DTNA: variants seen among roughly 807,000 people sequenced by gnomAD.
DTNA encodes dystrophin-related protein 3.
DTNA carries 43 observed loss-of-function variants against 100.7 expected under a neutral mutation model. The observed-to-expected ratio is 0.43, with a 90% confidence interval of 0.33 to 0.55. DTNA has a LOEUF of 0.55. Among genes scored for constraint, DTNA ranks in the 20% least tolerant of loss-of-function variants. The probability of loss-of-function intolerance (pLI) is 0.04; values close to 1 mark genes in which losing one functional copy is unlikely to be tolerated. For missense variants in DTNA, 798 were observed against 953.9 expected, an observed-to-expected ratio of 0.84 and a Z score of 2.15; for synonymous variants, 349 against 347.9, an observed-to-expected ratio of 1.00 and a Z score of -0.04.
At chr18:34,696,833 C>T (rs1038895075) in intron 1 of DTNA, among the ~76,000 whole-genome samples, 5 of 152,146 alleles carry the variant, frequency 3.3e-5, no homozygotes, top group Non-Finnish European at 7.3e-5. Flanking sequence ...ATGGGCAGGA[C>T]AGAAAATTAT....
chr18:34,498,242 C>T (rs1377570853), intron 1 of DTNA, among the ~76,000 whole-genome samples: 9 of 151,874 alleles, frequency 5.9e-5, no homozygotes, highest in African/African-American at 1.7e-4. Flanking sequence ...GGTGAAACTC[C>T]GTCTCTACTA....
intron 1 of DTNA, among the ~76,000 whole-genome samples, chr18:34,562,261 CG>C (rs1472738290): frequency 6.6e-6 from 1 of 152,122 alleles, no homozygotes; most frequent in Non-Finnish European, 1.5e-5. Context: ...TTTTAAAAAA[CG>C]AACCCTGCCC....
chr18:34,702,903 T>C (rs925423536), intron 1 of DTNA, among the ~76,000 whole-genome samples: 6 of 152,208 alleles, frequency 3.9e-5, no homozygotes, highest in African/African-American at 1.4e-4. Context: ...CATATTTACA[T>C]AGAGACAGAT....
At chr18:34,651,784 C>G (rs563567313) in intron 1 of DTNA, among the ~76,000 whole-genome samples, 3 of 152,214 alleles carry the variant, frequency 2.0e-5, no homozygotes, top group South Asian at 4.1e-4. Flanking sequence ...CAGACCTGGG[C>G]CGAGCATGGT....
intron 1 of DTNA, among the ~76,000 whole-genome samples, chr18:34,664,127 C>T (rs1197620520): frequency 2.0e-5 from 3 of 152,176 alleles, no homozygotes; most frequent in Admixed American, 6.5e-5. Context: ...TCTACTATTT[C>T]AAACTACAAG....
rs964860271 is a variant in DTNA, at chr18:34,596,882, T to C, written c.-2+103368T>C. Among the ~76,000 whole-genome samples, 4 of 152,284 alleles carry C rather than the reference T, an allele frequency of 2.6e-5. No homozygotes were observed. The East Asian group carries it at 7.7e-4, about 29-fold the overall frequency. ...CTTTTTTTTAATTATACGCAAGTTG[T>C]GGGATACATGTGCAGAACGTGCAGG... On this transcript the variant is annotated intron_variant, in intron 1 of 19. Transcript: ENST00000283365.
chr18:34,848,503 G>A (rs2096420150), intron 14 of DTNA, 120 bp downstream of exon 14: 6 of 1,101,028 alleles, frequency 5.4e-6, no homozygotes, highest in Non-Finnish European at 6.7e-6. Context: ...CTAATTTATT[G>A]TGCATGTGTT....
At chr18:34,605,571 A>G (rs2052877975) in intron 1 of DTNA, among the ~76,000 whole-genome samples, 1 of 151,988 alleles carries the variant, frequency 6.6e-6, no homozygotes, top group Non-Finnish European at 1.5e-5. Context: ...TTAGTTAGAT[A>G]TGCATTTTCT....
chr18:34,844,385 TA>T (rs773871302), intron 13 of DTNA, among the ~76,000 whole-genome samples: 17 of 152,086 alleles, frequency 1.1e-4, no homozygotes, highest in Non-Finnish European at 1.0e-4. Flanking sequence ...TTCAGTACTG[TA>T]AAACCATTTC....
chr18:34,665,309 T>C (rs897275375), intron 1 of DTNA, among the ~76,000 whole-genome samples: 2 of 152,200 alleles, frequency 1.3e-5, no homozygotes, highest in Admixed American at 6.6e-5. Flanking sequence ...ATTTTCATGC[T>C]AAGAATTTGT....
At chr18:34,496,655 C>T (rs1822608236) in intron 1 of DTNA, among the ~76,000 whole-genome samples, 1 of 152,044 alleles carries the variant, frequency 6.6e-6, no homozygotes, top group South Asian at 2.1e-4. Flanking sequence ...CCTGACTGCA[C>T]AGGGGGACAA....
At chr18:34,655,998 C>T (rs1306402906) in intron 1 of DTNA, among the ~76,000 whole-genome samples, 2 of 152,356 alleles carry the variant, frequency 1.3e-5, no homozygotes, top group South Asian at 2.1e-4. Context: ...TGTTTACACA[C>T]ACGTGTGCAC....
At chr18:34,537,881 A>G (rs1324479764) in intron 1 of DTNA, among the ~76,000 whole-genome samples, 2 of 152,016 alleles carry the variant, frequency 1.3e-5, no homozygotes, top group Non-Finnish European at 2.9e-5. Flanking sequence ...ATGTATGAGT[A>G]TTTATTAGAA....
chr18:34,747,948 T>A (rs760856810), intron 1 of DTNA, among the ~76,000 whole-genome samples: 7 of 152,164 alleles, frequency 4.6e-5, no homozygotes, highest in Non-Finnish European at 1.0e-4. Context: ...AATTGTTCCC[T>A]TTCACCCCAT....
At chr18:34,831,428 G>A (rs878873847) in intron 11 of DTNA, among the ~76,000 whole-genome samples, 23 of 152,182 alleles carry the variant, frequency 1.5e-4, no homozygotes, top group Admixed American at 1.5e-3. Context: ...ACAATCTAAT[G>A]TGCTAGTTTC....
At chr18:34,875,847 C>T (rs768640665) in intron 18 of DTNA, among the ~76,000 whole-genome samples, 1 of 152,078 alleles carries the variant, frequency 6.6e-6, no homozygotes, top group Non-Finnish European at 1.5e-5. Flanking sequence ...TCTGATGCCC[C>T]GAAGAGTTGA....
intron 1 of DTNA, among the ~76,000 whole-genome samples, chr18:34,652,690 C>T (rs2060598004): frequency 1.3e-5 from 2 of 152,188 alleles, no homozygotes; most frequent in Admixed American, 1.3e-4. Context: ...GACATAATCT[C>T]TTCTAGTTTT....
chr18:34,726,205 C>A (rs1231181393), intron 1 of DTNA, among the ~76,000 whole-genome samples: 1 of 151,980 alleles, frequency 6.6e-6, no homozygotes, highest in African/African-American at 2.4e-5. Flanking sequence ...ATGTAACAAA[C>A]CTGCACATTG....
intron 1 of DTNA, among the ~76,000 whole-genome samples, chr18:34,500,462 GTTGT>G (rs1329570935): frequency 4.0e-5 from 6 of 149,804 alleles, no homozygotes; most frequent in East Asian, 3.9e-4. Context: ...TATAGTTGTT[GTTGT>G]TTGTTTGTTT....
Sources: allele counts gnomAD v4.1 joint callset (sites outside exome capture counted in the v4.1 genomes callset), GRCh38; gene constraint gnomAD v4.1.1; transcripts MANE v1.5; gene names NCBI Gene and HGNC (gene_info 2026-07-23, HGNC 2026-07-21).